Variants in MYH11 observed in about 807,000 individuals in gnomAD.
MYH11 encodes myosin heavy chain 11, also known as myosin-11.
In MYH11, 80 loss-of-function variants were observed where a neutral mutation model predicts 246.6. The observed-to-expected ratio is 0.32, with a 90% confidence interval of 0.27 to 0.39. The LOEUF is 0.39. Ranked by LOEUF, MYH11 falls within the 10% of genes least tolerant of loss-of-function variation. MYH11 has a pLI of 1.00. For synonymous variants in MYH11, 1,071 were observed against 1,015.5 expected (o/e 1.05, Z -1.04); for missense variants, 2,158 against 2,546.8 (o/e 0.85, Z 3.29).
intron 6 of MYH11, among the ~76,000 whole-genome samples, chr16:15,781,825 A>C (rs1445955322): frequency 6.6e-5 from 10 of 151,552 alleles, no homozygotes. Context: ...GGTATACAGT[A>C]GGCACTTAAT....
chr16:15,813,957 C>T (rs187281196), intron 3 of MYH11, among the ~76,000 whole-genome samples: 14 of 151,026 alleles, frequency 9.3e-5, no homozygotes, highest in African/African-American at 3.4e-4. Flanking sequence ...GAGCTCGAGA[C>T]GAGCCTGGCC....
intron 10 of MYH11, 55 bp downstream of exon 10, chr16:15,763,741 T>TGGGGGCC: frequency 1.4e-5 from 9 of 646,828 alleles, no homozygotes; most frequent in East Asian, 3.2e-5. Flanking sequence ...AAATGTCACC[T>TGGGGGCC]CCCCCACCCC....
chr16:15,782,107 C>G (rs2151302698), intron 6 of MYH11, among the ~76,000 whole-genome samples: 1 of 152,234 alleles, frequency 6.6e-6, no homozygotes, highest in African/African-American at 2.4e-5. Context: ...TCTAGAACCC[C>G]TGGGCTCAAG....
At chr16:15,723,634 A>C (rs1357147818) in intron 31 of MYH11, among the ~76,000 whole-genome samples, 1 of 152,214 alleles carries the variant, frequency 6.6e-6, no homozygotes, top group East Asian at 1.9e-4. Context: ...TGACAGAGCT[A>C]GATCCTGTCT....
chr16:15,759,649 G>A lies in MYH11; in HGVS notation c.1328C>T (p.Ala443Val), dbSNP rs2041820377. ...FRWILTRVNK[A>V]LDKTHRQGAS... ...CCCTTGCCGATGGGTCTTGTCCAGG[G>A]CTTTGTTCACGCGGGTGAGTATCCA... The change falls in exon 12 of 41, where the codon GCC becomes GTC. Residue 443 changes from alanine (A) to valine (V), a missense_variant. Physicochemically the swap from Ala to Val is moderately conservative, Grantham distance 64. Around this residue, in one of 11 missense-constraint regions of MYH11, gnomAD observed 317 missense variants for 507.7 expected, o/e 0.62. Transcript: ENST00000300036. 1.2e-6 allele frequency: 2 copies of A among 1,614,172 alleles called. No individual in the cohort carries two copies. The highest frequency in any genetic ancestry group is 1.7e-6 in the Non-Finnish European group (2 of 1,180,040).
intron 40 of MYH11, chr16:15,708,974 T>G (rs2039625626): frequency 1.0e-6 from 1 of 975,234 alleles, no homozygotes; most frequent in Non-Finnish European, 1.6e-6. Context: ...TTTGAGATAG[T>G]CTCTGTCACC....
rs905152638 is a variant in MYH11 at position 15,823,142 on chromosome 16, C to T, written c.502+113G>A. On this transcript the variant is annotated intron_variant, in intron 3 of 40. Coordinates refer to ENST00000300036, the MANE Select transcript of MYH11 (RefSeq NM_002474.3). Reference sequence around the variant, plus strand: ...TTTTTCCCTTTTTCAGCCACAGTAACTCCTGGTCCCTCGCAGTGCCTGCCA... The same window carrying T: ...TTTTTCCCTTTTTCAGCCACAGTAATTCCTGGTCCCTCGCAGTGCCTGCCA... 16 of 1,446,376 alleles carry T rather than the reference C, an allele frequency of 1.1e-5. No homozygotes were observed. The East Asian group carries it at 1.4e-4, about 12-fold the overall frequency. The allele number at this position is 1,446,376 out of a possible 1,614,324, so 89.6% of individuals were successfully genotyped here.
chr16:15,818,849 T>C (rs563639517), intron 3 of MYH11, among the ~76,000 whole-genome samples: 14 of 152,302 alleles, frequency 9.2e-5, no homozygotes, highest in South Asian at 6.2e-4. Context: ...AAAGAGTTTA[T>C]CTTTTATGGA....
intron 3 of MYH11, among the ~76,000 whole-genome samples, chr16:15,799,250 G>A (rs1055659027): frequency 6.6e-6 from 1 of 152,114 alleles, no homozygotes; most frequent in African/African-American, 2.4e-5. Context: ...TGCCTCATAA[G>A]TACCTTCAAC....
Position 15,717,518 on chromosome 16 carries a change from G to A in MYH11, c.5296-170C>T, listed in dbSNP as rs1596706040. On this transcript the variant is annotated intron_variant, in intron 37 of 40. Coordinates refer to ENST00000300036, the MANE Select transcript of MYH11 (RefSeq NM_002474.3). ...CCACTCAAGAGCTTCTTCCAGGCCG[G>A]GCGTGGTGGCGCACGCCTGTAATCC... The A allele has an allele frequency of 6.0e-6, 4 of 671,382 alleles. No homozygotes were observed. The East Asian group carries it at 8.2e-5, about 14-fold the overall frequency. The allele number at this position is 671,382 out of a possible 1,614,324, so 41.6% of individuals were successfully genotyped here.
At chr16:15,759,196 C>CTT (rs10593456) in intron 12 of MYH11, among the ~76,000 whole-genome samples, 4,712 of 119,306 alleles carry the variant, frequency 0.039, 163 homozygotes, top group East Asian at 0.11. Flanking sequence ...GAGATATGTG[C>CTT]TTTTTTTTTT....
intron 1 of MYH11, among the ~76,000 whole-genome samples, chr16:15,843,134 C>T (rs1596946229): frequency 6.6e-6 from 1 of 152,134 alleles, no homozygotes; most frequent in Admixed American, 6.6e-5. Context: ...CTTTGAGAGG[C>T]CCAGGTGGGC....
At chr16:15,713,563 A>C (rs1227023310) in intron 40 of MYH11, 1 of 152,188 alleles carries the variant, frequency 6.6e-6, no homozygotes, top group Non-Finnish European at 1.5e-5. Flanking sequence ...TGGCTAGATC[A>C]TGGCTCACTG....
At chr16:15,841,141 TTTG>T (rs1222436945) in intron 1 of MYH11, among the ~76,000 whole-genome samples, 2 of 152,168 alleles carry the variant, frequency 1.3e-5, no homozygotes, top group East Asian at 1.9e-4. Context: ...CAAAATGATT[TTTG>T]TTGTTGTTGT....
intron 27 of MYH11, among the ~76,000 whole-genome samples, chr16:15,730,147 G>A (rs1277054092): frequency 6.6e-6 from 1 of 152,138 alleles, no homozygotes; most frequent in East Asian, 1.9e-4. Context: ...ATGATGGTAA[G>A]TTTCCTGAGG....
chr16:15,756,401 G>T lies in MYH11; in HGVS notation c.1689C>A (p.Phe563Leu), dbSNP rs201401918. 6.2e-7 allele frequency: 1 copy of T among 1,614,138 alleles called. No homozygotes were observed. Among genetic ancestry groups the T allele is most frequent in the Non-Finnish European group, 8.5e-7 (1 of 1,180,034 alleles). The change falls in exon 14 of 41, where the codon TTC (phenylalanine) becomes TTA (leucine). Residue 563 changes from phenylalanine to leucine, a missense_variant. Physicochemically the swap from Phe to Leu is conservative, Grantham distance 22. Transcript: ENST00000300036. ...LCTEQGSHPK[F>L]QKPKQLKDKT... is the part of the protein sequence containing the mutation. Reference sequence around the variant, plus strand: ...TGTCCTTGAGCTGCTTGGGCTTCTGGAACTTGGGGTGGCTGCCCTGCTCCG... The same window carrying T: ...TGTCCTTGAGCTGCTTGGGCTTCTGTAACTTGGGGTGGCTGCCCTGCTCCG...
At position 15,760,576 on chromosome 16, in the gene MYH11, C is replaced by G. The variant is rs201198815; in HGVS notation, c.1212G>C (p.Gly404=). 265 of 1,613,948 alleles carry G rather than the reference C, an allele frequency of 1.6e-4. 1 individual carries two copies. The highest frequency in any genetic ancestry group is 5.7e-5 in the Non-Finnish European group (67 of 1,179,958). ...RSILTPRIKV[G]RDVVQKAQTK... ...TCTGAGCTTTCTGTACCACATCTCGCCCAACCTTGATACGAGGAGTGAGGA... is the reference window on the plus strand; with the variant it reads ...TCTGAGCTTTCTGTACCACATCTCGGCCAACCTTGATACGAGGAGTGAGGA... Residue 404 remains glycine, a synonymous_variant, in exon 11 of 41, where the codon GGG becomes GGC. Transcript: ENST00000300036.
chr16:15,811,245 A>G (rs901991775), intron 3 of MYH11, among the ~76,000 whole-genome samples: 2 of 152,158 alleles, frequency 1.3e-5, no homozygotes, highest in African/African-American at 4.8e-5. Context: ...AAAGCCACCC[A>G]GTCTATGGTA....
intron 3 of MYH11, among the ~76,000 whole-genome samples, chr16:15,808,548 C>A (rs1156332842): frequency 6.6e-6 from 1 of 152,166 alleles, no homozygotes; most frequent in Non-Finnish European, 1.5e-5. Context: ...CTTTGAGAGC[C>A]TTTGCTGCAA....
Sources: allele counts gnomAD v4.1 joint callset (sites outside exome capture counted in the v4.1 genomes callset), GRCh38; gene constraint gnomAD v4.1.1; regional missense constraint gnomAD v4.1.1; transcripts MANE v1.5; gene names NCBI Gene and HGNC (gene_info 2026-07-23, HGNC 2026-07-21).